SPATA6: variants seen among roughly 807,000 people sequenced by gnomAD.
The protein encoded by SPATA6 is spermatogenesis associated 6.
Under a neutral mutation model 65.3 loss-of-function variants are expected in SPATA6, and 56 were observed. The ratio of observed to expected loss-of-function variants is 0.86; its 90% confidence interval spans 0.69 to 1.07. SPATA6 has a LOEUF of 1.07. SPATA6 is among the 50% of genes least tolerant of loss of function. SPATA6 has a pLI of 0.00. For synonymous variants in SPATA6, 199 were observed against 213.2 expected, an observed-to-expected ratio of 0.93 and a Z score of 0.58; for missense variants, 590 against 594.8, an observed-to-expected ratio of 0.99 and a Z score of 0.08.
the SPATA6 span, among the ~76,000 whole-genome samples, chr1:48,281,706 C>T: frequency 5.3e-5 from 8 of 151,868 alleles, no homozygotes; most frequent in African/African-American, 1.9e-4. Flanking sequence ...AATGGAAGAA[C>T]ATTCCATGCT....
intron 11 of SPATA6, among the ~76,000 whole-genome samples, chr1:48,333,711 C>T (rs779092600): frequency 5.3e-5 from 8 of 151,998 alleles, no homozygotes; most frequent in Admixed American, 1.3e-4. Flanking sequence ...TCTCAAACCA[C>T]GTAACATCAC....
At chr1:48,457,238 C>T (rs770705733) in intron 1 of SPATA6, among the ~76,000 whole-genome samples, 7 of 152,060 alleles carry the variant, frequency 4.6e-5, no homozygotes, top group Non-Finnish European at 1.0e-4. Flanking sequence ...TCGAGACCAG[C>T]TTGGCCAACA....
Position 48,471,993 on chromosome 1 carries a change from C to T in SPATA6, c.16G>A (p.Ala6Thr). MPKVK[A>T]LQCALALEIS... is the part of the protein sequence containing the mutation. Reference sequence around the variant, plus strand: ...TCCAGCGCCAGGGCGCACTGCAGCGCCTTCACCTTCGGCATCCGTGCGGGG... The same window carrying T: ...TCCAGCGCCAGGGCGCACTGCAGCGTCTTCACCTTCGGCATCCGTGCGGGG... Residue 6 changes from alanine (A) to threonine (T), a missense_variant, in exon 1 of 13, where the codon GCG becomes ACG. Transcript: ENST00000371847. 6.3e-7 allele frequency: 1 copy of T among 1,587,440 alleles called. No homozygotes were observed. Among genetic ancestry groups the T allele is most frequent in the South Asian group, 1.1e-5 (1 of 88,194 alleles).
At chr1:48,352,899 AAT>A (rs1483379053) in intron 11 of SPATA6, among the ~76,000 whole-genome samples, 2 of 79,100 alleles carry the variant, frequency 2.5e-5, no homozygotes, top group Non-Finnish European at 2.9e-5. Context: ...GCTTCTTTTA[AAT>A]ACAAAAAAAA....
the SPATA6 span, among the ~76,000 whole-genome samples, chr1:48,289,640 T>C: frequency 2.0e-5 from 3 of 152,296 alleles, no homozygotes; most frequent in Non-Finnish European, 4.4e-5. Context: ...ATAAACAGTG[T>C]AGAGAAGATC....
intron 7 of SPATA6, among the ~76,000 whole-genome samples, chr1:48,396,523 A>G (rs1452067054): frequency 2.7e-5 from 4 of 150,338 alleles, no homozygotes; most frequent in Non-Finnish European, 5.9e-5. Flanking sequence ...CCAAGTGTCT[A>G]TCAAGAGAAG....
chr1:48,324,958 C>T (rs928942069), intron 11 of SPATA6: 2 of 173,712 alleles, frequency 1.2e-5, no homozygotes, highest in African/African-American at 2.4e-5. Context: ...CCTAAAGACC[C>T]CACCAAAAAA....
At chr1:48,404,144 C>T (rs1651452295) in intron 5 of SPATA6, among the ~76,000 whole-genome samples, 2 of 151,500 alleles carry the variant, frequency 1.3e-5, no homozygotes, top group Admixed American at 6.6e-5. Context: ...TAAGTATTTC[C>T]CTGTCAAATT....
At chr1:48,398,889 T>G (rs1001047073) in intron 7 of SPATA6, among the ~76,000 whole-genome samples, 7 of 151,924 alleles carry the variant, frequency 4.6e-5, no homozygotes, top group African/African-American at 1.7e-4. Context: ...ATAATTTGCT[T>G]TGAAGATCCA....
At chr1:48,468,964 GTATT>G (rs1658013478) in intron 1 of SPATA6, among the ~76,000 whole-genome samples, 1 of 152,064 alleles carries the variant, frequency 6.6e-6, no homozygotes, top group Non-Finnish European at 1.5e-5. Context: ...ATTTACGTAT[GTATT>G]TATTTAAGAG....
At chr1:48,436,128 C>T (rs1440212060) in intron 3 of SPATA6, 19 of 1,610,200 alleles carry the variant, frequency 1.2e-5, no homozygotes, top group South Asian at 2.2e-5. Flanking sequence ...GTTCCACCAA[C>T]GTTTCTCACT....
rs904110644 is a variant in SPATA6, at chr1:48,421,330, T to C, written c.239-8179A>G. Among the ~76,000 whole-genome samples the C allele has an allele frequency of 1.8e-4, 28 of 152,152 alleles. No individual in the cohort carries two copies. In the East Asian group the frequency reaches 5.2e-3, roughly 28 times the overall value. ...CCTATATATATGCACAATTATTATGTCAATTAAAAATAAAATAAAACTTGA... is the reference window on the plus strand; with the variant it reads ...CCTATATATATGCACAATTATTATGCCAATTAAAAATAAAATAAAACTTGA... On this transcript the variant is annotated intron_variant, in intron 3 of 12. Transcript: ENST00000371847.
At chr1:48,274,144 T>C in the SPATA6 span, among the ~76,000 whole-genome samples, 2 of 152,244 alleles carry the variant, frequency 1.3e-5, no homozygotes, top group African/African-American at 4.8e-5. Flanking sequence ...AAATGTCTTC[T>C]TTTGAGAAGT....
At chr1:48,353,028 A>G (rs1397306986) in intron 11 of SPATA6, among the ~76,000 whole-genome samples, 1 of 152,012 alleles carries the variant, frequency 6.6e-6, no homozygotes, top group Non-Finnish European at 1.5e-5. Flanking sequence ...TGACATAAAA[A>G]GAAGCATTAA....
At chr1:48,408,160 T>C (rs931062719) in intron 5 of SPATA6, among the ~76,000 whole-genome samples, 1 of 152,354 alleles carries the variant, frequency 6.6e-6, no homozygotes, top group African/African-American at 2.4e-5. Context: ...CATAAATCTA[T>C]AGGAGAAATT....
downstream of SPATA6, among the ~76,000 whole-genome samples, chr1:48,292,745 C>G (rs1413992817): frequency 6.6e-6 from 1 of 152,236 alleles, no homozygotes; most frequent in African/African-American, 2.4e-5. Context: ...CTTGCATGCA[C>G]TGTCATTAAC....
intron 3 of SPATA6, among the ~76,000 whole-genome samples, chr1:48,434,258 A>AC (rs1654670937): frequency 7.8e-6 from 1 of 128,482 alleles, no homozygotes; most frequent in Non-Finnish European, 1.7e-5. Context: ...CAGCAGTGAA[A>AC]GAAAAAAAAA....
At chr1:48,280,404 T>G in the SPATA6 span, among the ~76,000 whole-genome samples, 5 of 152,092 alleles carry the variant, frequency 3.3e-5, no homozygotes. Flanking sequence ...GCTGTTTTTT[T>G]GAGAGAATCA....
At chr1:48,430,492 G>C (rs761288138) in intron 3 of SPATA6, among the ~76,000 whole-genome samples, 4 of 152,062 alleles carry the variant, frequency 2.6e-5, no homozygotes, top group Non-Finnish European at 5.9e-5. Flanking sequence ...AGTCCTAAAG[G>C]GTGAAATGAA....
Sources: allele counts gnomAD v4.1 joint callset (sites outside exome capture counted in the v4.1 genomes callset), GRCh38; gene constraint gnomAD v4.1.1; transcripts MANE v1.5; gene names NCBI Gene and HGNC (gene_info 2026-07-23, HGNC 2026-07-21).